Variants in AFG1L observed in about 807,000 individuals in gnomAD.
AFG1L encodes AFG1-like ATPase.
Under a neutral mutation model 62.2 loss-of-function variants are expected in AFG1L, and 53 were observed. The ratio of observed to expected loss-of-function variants is 0.85; its 90% confidence interval spans 0.68 to 1.07. The LOEUF (loss-of-function observed/expected upper bound fraction) is 1.07, where lower values mean the gene tolerates loss of function less well. Ranked by LOEUF, AFG1L falls within the 50% of genes least tolerant of loss-of-function variation. The pLI is 0.00. For missense variants in AFG1L, 555 were observed against 590.5 expected (o/e 0.94, Z 0.62); for synonymous variants, 228 against 210.3 (o/e 1.08, Z -0.73).
Position 108,366,251 on chromosome 6 carries a change from G to A in AFG1L, c.667G>A (p.Ala223Thr). The change falls in exon 6 of 13, where the codon GCC (alanine) becomes ACC (threonine). Residue 223 changes from alanine (A) to threonine (T), a missense_variant. By Grantham distance (58) the Ala-to-Thr change is moderately conservative. Transcript: ENST00000368977. ...DEFQVTDIAD[A>T]MILKQLFENL... is the part of the protein sequence containing the mutation. ...TCAATAGGTCACTGACATTGCTGAT[G>A]CCATGATTCTGAAACAGCTTTTTGA... 6.2e-7 allele frequency: 1 copy of A among 1,608,608 alleles called. No individual in the cohort carries two copies. The highest frequency in any genetic ancestry group is 1.1e-5 in the South Asian group (1 of 90,562).
At chr6:108,474,046 C>T (rs1773015409) in intron 8 of AFG1L, among the ~76,000 whole-genome samples, 1 of 152,162 alleles carries the variant, frequency 6.6e-6, no homozygotes, top group Non-Finnish European at 1.5e-5. Context: ...CCCCCGGCTC[C>T]TGACAGGCTC....
intron 10 of AFG1L, among the ~76,000 whole-genome samples, chr6:108,484,840 G>C (rs1436284437): frequency 1.3e-5 from 2 of 152,084 alleles, no homozygotes; most frequent in African/African-American, 4.8e-5. Flanking sequence ...TGTAAGACTG[G>C]AGATTGGACT....
chr6:108,340,182 T>G (rs1244863521), intron 2 of AFG1L, among the ~76,000 whole-genome samples: 2 of 152,148 alleles, frequency 1.3e-5, no homozygotes, highest in African/African-American at 2.4e-5. Context: ...CTTATTTCAC[T>G]TAATGTAATG....
rs562315815 is a variant in AFG1L, at chr6:108,450,192, G to A, written c.890+2896G>A. On this transcript the variant is annotated intron_variant, in intron 8 of 12. Transcript: ENST00000368977. ...GAGTCGCCACACTGACTTCCACAAT[G>A]GTTGAACTAGTTTACATTCCCACCA... 1.4e-4 allele frequency among the ~76,000 whole-genome samples: 21 copies of A among 152,286 alleles called. No homozygotes were observed. In the East Asian group the frequency reaches 2.5e-3, roughly 18 times the overall value.
At chr6:108,421,837 T>C (rs1477412058) in intron 7 of AFG1L, among the ~76,000 whole-genome samples, 1 of 152,068 alleles carries the variant, frequency 6.6e-6, no homozygotes, top group East Asian at 1.9e-4. Context: ...CTTCTTTGCT[T>C]GCACCTCCAA....
At chr6:108,495,292 C>G (rs564564605) in intron 10 of AFG1L, among the ~76,000 whole-genome samples, 1 of 152,310 alleles carries the variant, frequency 6.6e-6, no homozygotes, top group African/African-American at 2.4e-5. Context: ...GTTTAATGAA[C>G]AGCTATCAGC....
chr6:108,358,706 G>A (rs1266043007), intron 5 of AFG1L, among the ~76,000 whole-genome samples: 2 of 152,064 alleles, frequency 1.3e-5, no homozygotes, highest in East Asian at 3.9e-4. Context: ...TAATTTTTTT[G>A]TATTTTTAGT....
At chr6:108,361,855 C>G (rs1434715342) in intron 5 of AFG1L, among the ~76,000 whole-genome samples, 2 of 152,138 alleles carry the variant, frequency 1.3e-5, no homozygotes, top group Non-Finnish European at 2.9e-5. Flanking sequence ...CACCTTTTTT[C>G]CCATATCATA....
chr6:108,407,532 T>A lies in AFG1L; in HGVS notation c.807+5478T>A, dbSNP rs114014834. ...CATCTTTACAAAAAAGAATTTTTTT[T>A]AAATTAGCTAGGCATTGCGGTGTGT... On this transcript the variant is annotated intron_variant, in intron 7 of 12. Coordinates refer to ENST00000368977, the MANE Select transcript of AFG1L (RefSeq NM_145315.5). 8.2e-3 allele frequency among the ~76,000 whole-genome samples: 1,249 copies of A among 152,098 alleles called. 31 individuals are homozygous for A. The highest frequency in any genetic ancestry group is 0.028 in the African/African-American group (1,161 of 41,482).
chr6:108,400,809 AATAT>A (rs1176728893), intron 6 of AFG1L, among the ~76,000 whole-genome samples: 1 of 24,178 alleles, frequency 4.1e-5, no homozygotes, highest in Admixed American at 4.2e-4. Flanking sequence ...ATATATAATA[AATAT>A]ATATAATATA....
Position 108,419,044 on chromosome 6 carries a change from A to G in AFG1L, c.807+16990A>G, listed in dbSNP as rs568343487. Among the ~76,000 whole-genome samples, 8 of 152,284 alleles carry G rather than the reference A, an allele frequency of 5.3e-5. No individual in the cohort carries two copies. In the South Asian group the frequency reaches 1.7e-3, roughly 32 times the overall value. The stretch of plus-strand genomic sequence containing the variant: ...TCTGTCTGTTTACTCCATCACTTAC[A>G]CTTTCATAAACCATTTAGTTTGTTT... On this transcript the variant is annotated intron_variant, in intron 7 of 12. Transcript: ENST00000368977.
chr6:108,474,124 A>AAG (rs1245877568), intron 8 of AFG1L, among the ~76,000 whole-genome samples: 1 of 152,140 alleles, frequency 6.6e-6, no homozygotes, highest in Non-Finnish European at 1.5e-5. Flanking sequence ...TAGAAGCGAG[A>AAG]ACATGTAGTG....
At chr6:108,490,872 C>T (rs78909597) in intron 10 of AFG1L, among the ~76,000 whole-genome samples, 324 of 152,344 alleles carry the variant, frequency 2.1e-3, no homozygotes, top group Non-Finnish European at 3.5e-3. Flanking sequence ...TCTCTCTCTA[C>T]TGACGGATGC....
chr6:108,463,027 C>T (rs1013369420), intron 8 of AFG1L, among the ~76,000 whole-genome samples: 17 of 151,886 alleles, frequency 1.1e-4, no homozygotes, highest in African/African-American at 2.9e-4. Flanking sequence ...CAGTGACTCA[C>T]GCCTGTAATC....
In AFG1L at chr6:108,525,337, TTAAG is replaced by T. The variant is rs758565621; in HGVS notation, c.*2916_*2919del. 1.3e-5 allele frequency: 2 copies of T among 152,242 alleles called. No homozygotes were observed. Among genetic ancestry groups the T allele is most frequent in the Non-Finnish European group, 1.5e-5 (1 of 68,046 alleles). 9.4% of individuals were successfully genotyped at this position (152,242 alleles called of 1,614,324 possible). On this transcript the variant is annotated 3_prime_UTR_variant, in exon 13 of 13. Transcript: ENST00000368977. ...TCCTGAGATGAAAAACAGGATGGACTTAAGTAATTTTTAACCTATTTCTGAGGCC... is the reference window on the plus strand; with the variant it reads ...TCCTGAGATGAAAAACAGGATGGACTTAATTTTTAACCTATTTCTGAGGCC...
intron 7 of AFG1L, among the ~76,000 whole-genome samples, chr6:108,404,153 T>A (rs1781750932): frequency 6.6e-6 from 1 of 152,150 alleles, no homozygotes; most frequent in Admixed American, 6.6e-5. Flanking sequence ...ACTTTTTGCC[T>A]CTTCACAGAT....
At position 108,401,529 on chromosome 6, in the gene AFG1L, GT is replaced by G. The variant is rs544582577; in HGVS notation, c.749-466del. The stretch of plus-strand genomic sequence containing the variant: ...GCTGATCTCGAACTCCTGACCTCAA[GT>G]GGCCTCCCCAAAGTGCTAGGATTAC... On this transcript the variant is annotated intron_variant, in intron 6 of 12. Coordinates refer to ENST00000368977, the MANE Select transcript of AFG1L (RefSeq NM_145315.5). Among the ~76,000 whole-genome samples, 863 of 152,182 alleles carry G rather than the reference GT, an allele frequency of 5.7e-3. 2 individuals carry two copies. The highest frequency in any genetic ancestry group is 9.4e-3 in the Non-Finnish European group (640 of 67,980).
chr6:108,411,118 G>T (rs1782089764), intron 7 of AFG1L, among the ~76,000 whole-genome samples: 1 of 152,202 alleles, frequency 6.6e-6, no homozygotes, highest in Non-Finnish European at 1.5e-5. Flanking sequence ...ATTATATCCT[G>T]TGCCTGGCTT....
At chr6:108,404,563 C>T (rs947031728) in intron 7 of AFG1L, among the ~76,000 whole-genome samples, 81 of 151,934 alleles carry the variant, frequency 5.3e-4, no homozygotes, top group African/African-American at 2.0e-3. Flanking sequence ...CTGTTCAAAT[C>T]TTTATTCTCA....
Sources: allele counts gnomAD v4.1 joint callset (sites outside exome capture counted in the v4.1 genomes callset), GRCh38; gene constraint gnomAD v4.1.1; transcripts MANE v1.5; gene names NCBI Gene and HGNC (gene_info 2026-07-23, HGNC 2026-07-21).